Variants in NRG3 observed in about 807,000 individuals in gnomAD.
NRG3 encodes the protein pro-neuregulin-3, membrane-bound isoform.
Under a neutral mutation model 66.9 loss-of-function variants are expected in NRG3, and 31 were observed. The ratio of observed to expected loss-of-function variants is 0.46; its 90% CI spans 0.35 to 0.63. The LOEUF is 0.63. NRG3 is among the 20% of genes least tolerant of loss of function. The pLI, the probability that NRG3 is intolerant of heterozygous loss-of-function variation, is 0.00. For missense variants in NRG3, 910 were observed against 878.9 expected (o/e 1.04, Z -0.45); for synonymous variants, 393 against 359.4 (o/e 1.09, Z -1.06).
At position 82,386,187 on chromosome 10, in the gene NRG3, G is replaced by A. The variant is rs890494465; in HGVS notation, c.953+27319G>A. ...TTTAAAAGGCCATACATATTTAAAC[G>A]AAAATGAAAAGATTAATAACTGTGC... On this transcript the variant is annotated intron_variant, in intron 2 of 8. Coordinates refer to ENST00000372141, the MANE Select transcript of NRG3 (RefSeq NM_001010848.4). Among the ~76,000 whole-genome samples, 8 of 152,172 alleles carry A rather than the reference G, an allele frequency of 5.3e-5. No individual in the cohort carries two copies. The East Asian group carries it at 5.8e-4, about 11-fold the overall frequency.
intron 2 of NRG3, among the ~76,000 whole-genome samples, chr10:82,465,282 G>C (rs1036169936): frequency 3.3e-5 from 5 of 152,202 alleles, no homozygotes; most frequent in Admixed American, 6.5e-5. Flanking sequence ...CAAATTAAGA[G>C]TGTTCTCTCT....
intron 3 of NRG3, among the ~76,000 whole-genome samples, chr10:82,783,747 A>C (rs1031112544): frequency 6.6e-6 from 1 of 152,212 alleles, no homozygotes; most frequent in Non-Finnish European, 1.5e-5. Context: ...GCTCGTGGGT[A>C]GGAAGAATCA....
At chr10:82,784,694 G>T (rs2060269266) in intron 3 of NRG3, among the ~76,000 whole-genome samples, 1 of 151,670 alleles carries the variant, frequency 6.6e-6, no homozygotes, top group Admixed American at 6.6e-5. Context: ...TCATTAAAAA[G>T]TCAGGAAACA....
intron 4 of NRG3, among the ~76,000 whole-genome samples, chr10:82,902,367 T>TATGCAGC (rs1844311511): frequency 6.6e-6 from 1 of 152,198 alleles, no homozygotes; most frequent in Admixed American, 6.5e-5. Context: ...TGCTTAGTTA[T>TATGCAGC]ATGCAGCATT....
At chr10:82,457,355 A>C (rs1686148201) in intron 2 of NRG3, among the ~76,000 whole-genome samples, 1 of 152,174 alleles carries the variant, frequency 6.6e-6, no homozygotes, top group African/African-American at 2.4e-5. Context: ...TAAGGAACAC[A>C]TAGCCTAGAT....
chr10:82,818,228 G>A (rs146216127), intron 3 of NRG3, among the ~76,000 whole-genome samples: 1 of 152,314 alleles, frequency 6.6e-6, no homozygotes, highest in African/African-American at 2.4e-5. Context: ...TAACCGTCAT[G>A]GCACTGGTGG....
At chr10:82,615,945 A>G (rs540449909) in intron 2 of NRG3, among the ~76,000 whole-genome samples, 2 of 152,246 alleles carry the variant, frequency 1.3e-5, no homozygotes, top group African/African-American at 4.8e-5. Flanking sequence ...GAATACCTAG[A>G]ATGTACTTTA....
chr10:82,565,706 C>T lies in NRG3; in HGVS notation c.954-172871C>T, dbSNP rs1395911384. ...TCCAGAATGCTGGGAAAGTCATTGA[C>T]ATGACTTTCTTCAGATGATTTGGTT... On this transcript the variant is annotated intron_variant, in intron 2 of 8. Coordinates refer to ENST00000372141, the MANE Select transcript of NRG3 (RefSeq NM_001010848.4). 1.2e-4 allele frequency among the ~76,000 whole-genome samples: 19 copies of T among 152,046 alleles called. 1 individual carries two copies.
At chr10:82,322,596 A>C (rs1377733108) in intron 1 of NRG3, among the ~76,000 whole-genome samples, 1 of 152,060 alleles carries the variant, frequency 6.6e-6, no homozygotes, top group Non-Finnish European at 1.5e-5. Flanking sequence ...ATTCAATGGC[A>C]CATATAACCT....
chr10:82,923,028 A>G (rs1846602386), intron 4 of NRG3, among the ~76,000 whole-genome samples: 1 of 152,202 alleles, frequency 6.6e-6, no homozygotes, highest in South Asian at 2.1e-4. Flanking sequence ...GTGATAAACA[A>G]TAAAGCTACT....
chr10:82,498,440 T>A (rs1843824949), intron 2 of NRG3, among the ~76,000 whole-genome samples: 1 of 152,076 alleles, frequency 6.6e-6, no homozygotes, highest in Non-Finnish European at 1.5e-5. Context: ...AATGAAAAAA[T>A]TCTGTCTTTT....
intron 2 of NRG3, among the ~76,000 whole-genome samples, chr10:82,488,759 G>A (rs1842878304): frequency 6.6e-6 from 1 of 152,032 alleles, no homozygotes; most frequent in Non-Finnish European, 1.5e-5. Context: ...TGAATGGAGA[G>A]TTACATAAAA....
rs1007528930 is a variant in NRG3 at position 82,348,453 on chromosome 10, G to A, written c.824-10286G>A. ...GAGAGATCCGCTGTTAGTCTGATGGGCTTCCCTTTGAGGGTAACCTGACCT... is the reference window on the plus strand; with the variant it reads ...GAGAGATCCGCTGTTAGTCTGATGGACTTCCCTTTGAGGGTAACCTGACCT... On this transcript the variant is annotated intron_variant, in intron 1 of 8. Transcript: ENST00000372141. Among the ~76,000 whole-genome samples, 216 of 150,280 alleles carry A rather than the reference G, an allele frequency of 1.4e-3. 2 individuals carry two copies. Among genetic ancestry groups the A allele is most frequent in the Non-Finnish European group, 1.8e-3 (125 of 67,920 alleles).
At chr10:82,542,626 A>G (rs986284119) in intron 2 of NRG3, among the ~76,000 whole-genome samples, 1 of 152,240 alleles carries the variant, frequency 6.6e-6, no homozygotes, top group Non-Finnish European at 1.5e-5. Flanking sequence ...AGTGAACATC[A>G]TAAGTAATGG....
intron 1 of NRG3, among the ~76,000 whole-genome samples, chr10:81,927,484 G>A (rs1296130901): frequency 6.6e-6 from 1 of 151,874 alleles, no homozygotes; most frequent in African/African-American, 2.4e-5. Context: ...ACTATATTTG[G>A]GTTGCTATTA....
chr10:82,016,127 G>A (rs1165297238), intron 1 of NRG3, among the ~76,000 whole-genome samples: 1 of 151,872 alleles, frequency 6.6e-6, no homozygotes, highest in East Asian at 1.9e-4. Context: ...TTGACTCAGT[G>A]TATAAAATAT....
chr10:82,553,159 G>A (rs1288405042), intron 2 of NRG3, among the ~76,000 whole-genome samples: 1 of 152,084 alleles, frequency 6.6e-6, no homozygotes, highest in Admixed American at 6.6e-5. Flanking sequence ...TTTCTAAAAT[G>A]AAGGCAAATG....
intron 2 of NRG3, among the ~76,000 whole-genome samples, chr10:82,480,390 A>G (rs1842173486): frequency 6.6e-6 from 1 of 152,240 alleles, no homozygotes; most frequent in Non-Finnish European, 1.5e-5. Context: ...TTTTAAAATA[A>G]AAAGGATGAT....
At chr10:82,673,219 C>A (rs1368753619) in intron 2 of NRG3, among the ~76,000 whole-genome samples, 1 of 152,228 alleles carries the variant, frequency 6.6e-6, no homozygotes, top group African/African-American at 2.4e-5. Flanking sequence ...CCCTGAGCTG[C>A]TGGGACAGGC....
Sources: allele counts gnomAD v4.1 joint callset (sites outside exome capture counted in the v4.1 genomes callset), GRCh38; gene constraint gnomAD v4.1.1; transcripts MANE v1.5; gene names NCBI Gene and HGNC (gene_info 2026-07-23, HGNC 2026-07-21).